Variants in SHROOM3 observed in about 807,000 individuals in gnomAD.
The protein encoded by SHROOM3 is shroom family member 3, also known as protein Shroom3.
Under a neutral mutation model 138.6 loss-of-function variants are expected in SHROOM3, and 47 were observed. That is an observed-to-expected ratio of 0.34 (90% CI 0.27 to 0.43). The LOEUF (loss-of-function observed/expected upper bound fraction) is 0.43, where lower values mean the gene tolerates loss of function less well. SHROOM3 is among the 20% of genes least tolerant of loss of function. The pLI, the probability that SHROOM3 is intolerant of heterozygous loss-of-function variation, is 1.00. For missense variants in SHROOM3, 2,491 were observed against 2,596.5 expected, an observed-to-expected ratio of 0.96 and a Z score of 0.88; for synonymous variants, 1,062 against 1,063.3, an observed-to-expected ratio of 1.00 and a Z score of 0.02.
intron 2 of SHROOM3, among the ~76,000 whole-genome samples, chr4:76,631,273 A>G (rs767158471): frequency 2.5e-4 from 35 of 139,358 alleles, no homozygotes; most frequent in Non-Finnish European, 5.1e-4. Context: ...TAGTGGTGCA[A>G]TCTTGGCTCA....
In SHROOM3 at chr4:76,667,690, T is replaced by C. The variant is rs974956454; in HGVS notation, c.324-42466T>C. Among the ~76,000 whole-genome samples, 13 of 151,590 alleles carry C rather than the reference T, an allele frequency of 8.6e-5. 1 individual carries two copies. The highest frequency in any genetic ancestry group is 3.1e-4 in the African/African-American group (13 of 41,432). ...AGAAGATGTTATTAAAATTGTTGCT[T>C]GGGCGCGGTGGCTCACGCCTGTAAT... On this transcript the variant is annotated intron_variant, in intron 2 of 10. Transcript: ENST00000296043.
intron 1 of SHROOM3, among the ~76,000 whole-genome samples, chr4:76,526,182 G>C (rs1206461648): frequency 6.6e-6 from 1 of 152,088 alleles, no homozygotes; most frequent in Non-Finnish European, 1.5e-5. Context: ...GCCTGGCCAA[G>C]ATGGTGAAAC....
At chr4:76,653,325 T>C (rs1394701238) in intron 2 of SHROOM3, among the ~76,000 whole-genome samples, 1 of 151,964 alleles carries the variant, frequency 6.6e-6, no homozygotes, top group East Asian at 1.9e-4. Flanking sequence ...GCCCTGGCCA[T>C]TGAAGGATGC....
At chr4:76,463,991 TCAGAGTCCCCACA>T (rs1255740022) in intron 1 of SHROOM3, among the ~76,000 whole-genome samples, 1 of 152,224 alleles carries the variant, frequency 6.6e-6, no homozygotes, top group Non-Finnish European at 1.5e-5. Context: ...AAATGCGGCA[TCAGAGTCCCCACA>T]CAGAGTCCTC....
rs1279160988 is a variant in SHROOM3, at chr4:76,530,507, T to C, written c.169-25102T>C. ...CCGAGAGTAATTCCATTGAAATGGG[T>C]TGGAGTTCCCTTAGAATTAAAACTC... On this transcript the variant is annotated intron_variant, in intron 1 of 10. Coordinates refer to ENST00000296043, the MANE Select transcript of SHROOM3 (RefSeq NM_020859.4). 2.0e-5 allele frequency among the ~76,000 whole-genome samples: 3 copies of C among 152,136 alleles called. No homozygotes were observed. In the East Asian group the frequency reaches 5.8e-4, roughly 29 times the overall value.
chr4:76,520,401 T>C (rs1340643985), intron 1 of SHROOM3, among the ~76,000 whole-genome samples: 2 of 152,052 alleles, frequency 1.3e-5, no homozygotes, highest in Admixed American at 1.3e-4. Context: ...GGGTGCATGT[T>C]ATGTGCCAGG....
chr4:76,489,678 A>C (rs1731808437), intron 1 of SHROOM3, among the ~76,000 whole-genome samples: 1 of 152,160 alleles, frequency 6.6e-6, no homozygotes, highest in South Asian at 2.1e-4. Flanking sequence ...TTTTGGAGGA[A>C]GCTTTCTTGA....
intron 2 of SHROOM3, among the ~76,000 whole-genome samples, chr4:76,658,180 G>C (rs1235923949): frequency 6.6e-6 from 1 of 152,236 alleles, no homozygotes; most frequent in Non-Finnish European, 1.5e-5. Context: ...CACCGACTGT[G>C]AGGATGTGAA....
At chr4:76,658,546 C>A (rs1011549948) in intron 2 of SHROOM3, among the ~76,000 whole-genome samples, 2 of 152,104 alleles carry the variant, frequency 1.3e-5, no homozygotes, top group Non-Finnish European at 2.9e-5. Context: ...TCATACCATC[C>A]AGAACCTCAC....
At chr4:76,676,473 T>C (rs926811468) in intron 2 of SHROOM3, among the ~76,000 whole-genome samples, 3 of 152,116 alleles carry the variant, frequency 2.0e-5, no homozygotes, top group Non-Finnish European at 2.9e-5. Context: ...ATAAAGGCTA[T>C]AGTAGATGAT....
intron 3 of SHROOM3, among the ~76,000 whole-genome samples, chr4:76,727,313 T>C (rs1356184678): frequency 6.6e-6 from 1 of 152,168 alleles, no homozygotes; most frequent in Admixed American, 6.5e-5. Context: ...TATAACTGGG[T>C]TTAAACCCTT....
At chr4:76,520,163 C>T (rs1732532668) in intron 1 of SHROOM3, among the ~76,000 whole-genome samples, 1 of 152,172 alleles carries the variant, frequency 6.6e-6, no homozygotes, top group Non-Finnish European at 1.5e-5. Flanking sequence ...GTCCCCTGTA[C>T]ATTAAGCCCA....
rs1184783724 is a variant in SHROOM3, at chr4:76,741,507, C to G, written c.3334C>G (p.Leu1112Val). ...CTGCAGCCTCCAGGAGCCCGGGCCA[C>G]TGCGTGAGCGCGCCCAGAGTGCCTA... ...AGCSLQEPGP[L>V]RERAQSAYLQ... The change falls in exon 5 of 11, where the codon CTG (leucine) becomes GTG (valine). Residue 1112 changes from leucine (L) to valine (V), a missense_variant. Physicochemically the swap from Leu to Val is conservative, Grantham distance 32 (BLOSUM62 1). Coordinates refer to ENST00000296043, the MANE Select transcript of SHROOM3 (RefSeq NM_020859.4). This position sits in a 1 kb window ranked among gnomAD's most constrained non-coding sequence, Gnocchi z 6.2. 1 of 1,554,596 alleles carries G rather than the reference C, an allele frequency of 6.4e-7. No individual in the cohort carries two copies. The highest frequency in any genetic ancestry group is 1.2e-5 in the South Asian group (1 of 85,144).
At position 76,670,587 on chromosome 4, in the gene SHROOM3, C is replaced by A. The variant is rs572418111; in HGVS notation, c.324-39569C>A. Among the ~76,000 whole-genome samples, 14 of 152,062 alleles carry A rather than the reference C, an allele frequency of 9.2e-5. No homozygotes were observed. In the South Asian group the frequency reaches 2.9e-3, roughly 32 times the overall value. The stretch of plus-strand genomic sequence containing the variant: ...AAAAGGCATTTTATTTGAAAAATAA[C>A]TTAGATATTTTATATTGAATCAAAC... On this transcript the variant is annotated intron_variant, in intron 2 of 10. Transcript: ENST00000296043.
At chr4:76,758,154 G>A (rs1471813406) in intron 8 of SHROOM3, 2 of 152,170 alleles carry the variant, frequency 1.3e-5, no homozygotes, top group Non-Finnish European at 2.9e-5. Context: ...GACTAATTGA[G>A]GTGAAGTGAT....
Position 76,688,780 on chromosome 4 carries a change from C to T in SHROOM3, c.324-21376C>T, listed in dbSNP as rs559797435. On this transcript the variant is annotated intron_variant, in intron 2 of 10. Coordinates refer to ENST00000296043, the MANE Select transcript of SHROOM3 (RefSeq NM_020859.4). ...CTGAATCCAAAATCTCTCGAAATTACAGTCATGACGACCGAAAGAATCACG... is the reference window on the plus strand; with the variant it reads ...CTGAATCCAAAATCTCTCGAAATTATAGTCATGACGACCGAAAGAATCACG... The T allele has an allele frequency of 1.5e-5, 15 of 985,328 alleles. No individual in the cohort carries two copies. In the East Asian group the frequency reaches 1.1e-3, roughly 75 times the overall value. 61.0% of individuals were successfully genotyped at this position (985,328 alleles called of 1,614,324 possible). A position where few individuals can be genotyped will look rare whatever the true frequency, so the allele number is the denominator to read the frequency against.
intron 2 of SHROOM3, among the ~76,000 whole-genome samples, chr4:76,593,379 C>T (rs1186371195): frequency 6.6e-6 from 1 of 151,936 alleles, no homozygotes; most frequent in Non-Finnish European, 1.5e-5. Flanking sequence ...AATTAATGAC[C>T]CAGAAAGGTA....
intron 1 of SHROOM3, among the ~76,000 whole-genome samples, chr4:76,455,193 A>C (rs1442156313): frequency 6.6e-6 from 1 of 152,168 alleles, no homozygotes; most frequent in Non-Finnish European, 1.5e-5. Flanking sequence ...ACAAGTGGTA[A>C]AAGTGGATAT....
chr4:76,573,335 A>G (rs897547729), intron 2 of SHROOM3, among the ~76,000 whole-genome samples: 3 of 150,220 alleles, frequency 2.0e-5, no homozygotes, highest in Non-Finnish European at 4.4e-5. Context: ...TATAGAAAAA[A>G]ATGTAGGTTC....
Sources: allele counts gnomAD v4.1 joint callset (sites outside exome capture counted in the v4.1 genomes callset), GRCh38; gene constraint gnomAD v4.1.1; non-coding constraint Gnocchi (gnomAD v3.1); transcripts MANE v1.5; gene names NCBI Gene and HGNC (gene_info 2026-07-23, HGNC 2026-07-21).